CLVS2: variants seen among roughly 807,000 people sequenced by gnomAD.
CLVS2 encodes clavesin 2.
A neutral mutation model predicts 29.0 loss-of-function variants in CLVS2; 19 were observed. That is an observed-to-expected ratio of 0.66 (90% confidence interval 0.46 to 0.96). CLVS2 has a LOEUF of 0.96. Ranked by LOEUF, CLVS2 falls within the 40% of genes least tolerant of loss-of-function variation. The pLI is 0.00. For synonymous variants in CLVS2, 161 were observed against 151.3 expected (o/e 1.06, Z -0.47); for missense variants, 294 against 404.1 (o/e 0.73, Z 2.34).
At chr6:123,043,934 A>T (rs1775270785) in intron 3 of CLVS2, among the ~76,000 whole-genome samples, 1 of 152,214 alleles carries the variant, frequency 6.6e-6, no homozygotes, top group Admixed American at 6.5e-5. Context: ...TTTTGCTAGA[A>T]ATATATGAAT....
At chr6:123,063,634 C>A (rs1328393886) in intron 5 of CLVS2, 40 bp from the exon 6 acceptor site, 5 of 1,163,206 alleles carry the variant, frequency 4.3e-6, no homozygotes, top group South Asian at 3.9e-5. Context: ...TGCACAATTA[C>A]CTGGTAATAA....
chr6:123,015,448 TGAG>T (rs1360136093), intron 3 of CLVS2, among the ~76,000 whole-genome samples: 1 of 152,060 alleles, frequency 6.6e-6, no homozygotes, highest in African/African-American at 2.4e-5. Flanking sequence ...AGTGAAACTT[TGAG>T]GAGTTTAAGA....
intron 5 of CLVS2, among the ~76,000 whole-genome samples, chr6:123,060,702 G>C (rs1772763217): frequency 6.6e-6 from 1 of 152,054 alleles, no homozygotes; most frequent in Non-Finnish European, 1.5e-5. Flanking sequence ...TTTGTGCCGG[G>C]GTTTATGGAT....
At chr6:123,004,962 AAAC>A (rs1467032613) in intron 2 of CLVS2, among the ~76,000 whole-genome samples, 1 of 133,592 alleles carries the variant, frequency 7.5e-6, no homozygotes, top group African/African-American at 2.8e-5. Flanking sequence ...AAAAAAAAAA[AAAC>A]CAATTATCTA....
At chr6:123,031,870 A>G (rs1582654677) in intron 3 of CLVS2, among the ~76,000 whole-genome samples, 1 of 151,806 alleles carries the variant, frequency 6.6e-6, no homozygotes, top group Admixed American at 6.6e-5. Context: ...TTGATTTAAT[A>G]TTATGTCATG....
chr6:123,013,849 C>A (rs1226865582), intron 3 of CLVS2, among the ~76,000 whole-genome samples: 2 of 151,694 alleles, frequency 1.3e-5, no homozygotes, highest in African/African-American at 2.4e-5. Flanking sequence ...TGTGATGTTC[C>A]CCTTCCTGTG....
rs1774530728 is a variant in CLVS2, at chr6:122,997,678, A to C, written c.-100A>C. 6 of 1,122,850 alleles carry C rather than the reference A, an allele frequency of 5.3e-6. No individual in the cohort carries two copies. In the South Asian group the frequency reaches 8.8e-5, roughly 17 times the overall value. The allele number at this position is 1,122,850 out of a possible 1,614,324, so 69.6% of individuals were successfully genotyped here. ...CTGTAGGGGAGAGGAAGCAGGCAGC[A>C]GGAGGTCTGGGGGCTGGAGTCTGGT... On this transcript the variant is annotated 5_prime_UTR_variant, in exon 2 of 6. Transcript: ENST00000275162.
chr6:123,030,078 C>T (rs1473879328), intron 3 of CLVS2, among the ~76,000 whole-genome samples: 1 of 152,148 alleles, frequency 6.6e-6, no homozygotes, highest in East Asian at 1.9e-4. Flanking sequence ...GCGCTGGCTG[C>T]CAGAAAAAGA....
chr6:123,027,855 T>C (rs1775026266), intron 3 of CLVS2, among the ~76,000 whole-genome samples: 1 of 152,224 alleles, frequency 6.6e-6, no homozygotes, highest in African/African-American at 2.4e-5. Context: ...GGAAAGGATT[T>C]GCTTGAGAAG....
Position 122,997,863 on chromosome 6 carries a change from A to G in CLVS2, c.86A>G (p.Gln29Arg). The G allele has an allele frequency of 6.2e-7, 1 of 1,614,216 alleles. No homozygotes were observed. The highest frequency in any genetic ancestry group is 8.5e-7 in the Non-Finnish European group (1 of 1,180,034). Residue 29 changes from glutamine (Q) to arginine (R), a missense_variant, in exon 2 of 6, where the codon CAG becomes CGG. Gln to Arg is a conservative substitution (Grantham distance 43). Transcript: ENST00000275162. ...ELNENPDTLH[Q>R]DIQEVRDMVI... The stretch of plus-strand genomic sequence containing the variant: ...AATGAAAACCCAGACACGCTGCACC[A>G]GGACATCCAGGAGGTGAGGGATATG...
At chr6:123,018,296 C>T (rs1343787287) in intron 3 of CLVS2, among the ~76,000 whole-genome samples, 3 of 151,878 alleles carry the variant, frequency 2.0e-5, no homozygotes, top group African/African-American at 7.3e-5. Context: ...TTCTTCTTTC[C>T]CAGCAAAACC....
At chr6:123,062,850 T>TGAG (rs1414367460) in intron 5 of CLVS2, among the ~76,000 whole-genome samples, 1 of 152,224 alleles carries the variant, frequency 6.6e-6, no homozygotes, top group Non-Finnish European at 1.5e-5. Context: ...AAAGGGCAGC[T>TGAG]GCTTACTAAA....
chr6:123,047,061 C>T lies in CLVS2; in HGVS notation c.565-1561C>T, dbSNP rs561981317. ...TTGAGGGCAAGTGGGGGACTGGATG[C>T]GAGACCTCATTCCTATAGGTGCTAC... On this transcript the variant is annotated intron_variant, in intron 3 of 5. Transcript: ENST00000275162. 3.2e-4 allele frequency among the ~76,000 whole-genome samples: 48 copies of T among 152,012 alleles called. No individual in the cohort carries two copies. In the South Asian group the frequency reaches 6.2e-3, roughly 20 times the overall value.
intron 3 of CLVS2, among the ~76,000 whole-genome samples, chr6:123,033,455 CAGTTG>C (rs1775110307): frequency 6.6e-6 from 1 of 151,978 alleles, no homozygotes; most frequent in Non-Finnish European, 1.5e-5. Context: ...AGCAATTAAA[CAGTTG>C]AAATATAGCT....
chr6:123,057,751 GGC>G, intron 5 of CLVS2, among the ~76,000 whole-genome samples: 1 of 152,246 alleles, frequency 6.6e-6, no homozygotes, highest in East Asian at 1.9e-4. Context: ...AGAACGGAAA[GGC>G]CAGAAATTTT....
intron 3 of CLVS2, among the ~76,000 whole-genome samples, chr6:123,040,291 A>G (rs1775209746): frequency 6.6e-6 from 1 of 152,104 alleles, no homozygotes; most frequent in African/African-American, 2.4e-5. Context: ...CCTCTGCTCT[A>G]TTTGGTAATT....
chr6:123,016,080 A>G (rs1465884516), intron 3 of CLVS2, among the ~76,000 whole-genome samples: 1 of 145,562 alleles, frequency 6.9e-6, no homozygotes, highest in Non-Finnish European at 1.5e-5. Flanking sequence ...TGGCAAACAG[A>G]AAAAAAGAAA....
chr6:123,010,748 A>T (rs1774736199), intron 2 of CLVS2, among the ~76,000 whole-genome samples: 1 of 152,062 alleles, frequency 6.6e-6, no homozygotes, highest in Non-Finnish European at 1.5e-5. Flanking sequence ...AAACTAAATG[A>T]TGATAAAATA....
intron 3 of CLVS2, among the ~76,000 whole-genome samples, chr6:123,023,746 T>G (rs1374807678): frequency 6.6e-6 from 1 of 152,126 alleles, no homozygotes; most frequent in Non-Finnish European, 1.5e-5. Flanking sequence ...ACAGCTAGGA[T>G]AGGTTAGACT....
Sources: allele counts gnomAD v4.1 joint callset (sites outside exome capture counted in the v4.1 genomes callset), GRCh38; gene constraint gnomAD v4.1.1; transcripts MANE v1.5; gene names NCBI Gene and HGNC (gene_info 2026-07-23, HGNC 2026-07-21).